KYAT1: variants seen among roughly 807,000 people sequenced by gnomAD.
KYAT1 encodes the protein kynurenine aminotransferase 1, also known as kynurenine--oxoglutarate transaminase 1.
Under a neutral mutation model 52.4 loss-of-function variants are expected in KYAT1, and 47 were observed. That is an observed-to-expected ratio of 0.90 (90% CI 0.71 to 1.14). The LOEUF (loss-of-function observed/expected upper bound fraction) is 1.14, where lower values mean the gene tolerates loss of function less well. Among genes scored for constraint, KYAT1 ranks in the 50% most tolerant of loss-of-function variants. The pLI, the probability that KYAT1 is intolerant of heterozygous loss-of-function variation, is 0.00. For missense variants in KYAT1, 480 were observed against 557.9 expected, an observed-to-expected ratio of 0.86 and a Z score of 1.41; for synonymous variants, 212 against 209.6, an observed-to-expected ratio of 1.01 and a Z score of -0.10.
At chr9:128,849,851 A>C (rs1045128961) in intron 1 of KYAT1, among the ~76,000 whole-genome samples, 4 of 149,230 alleles carry the variant, frequency 2.7e-5, no homozygotes, top group Non-Finnish European at 5.9e-5. Flanking sequence ...TCTATCTCAC[A>C]GAATACACAC....
intron 1 of KYAT1, among the ~76,000 whole-genome samples, chr9:128,858,825 C>G (rs113366679): frequency 6.6e-6 from 1 of 151,208 alleles, no homozygotes; most frequent in Non-Finnish European, 1.5e-5. Flanking sequence ...CTGGCCAACA[C>G]GGTGAAATCC....
intron 3 of KYAT1, among the ~76,000 whole-genome samples, chr9:128,839,045 C>T (rs1437666491): frequency 1.3e-5 from 2 of 151,948 alleles, no homozygotes; most frequent in African/African-American, 4.8e-5. Flanking sequence ...CTCCCTGCAA[C>T]CTCCGCCTCC....
chr9:128,849,309 G>T lies in KYAT1; in HGVS notation c.-6-3898C>A, dbSNP rs140359669. 2.4e-3 allele frequency among the ~76,000 whole-genome samples: 359 copies of T among 150,872 alleles called. 11 individuals are homozygous for T. The East Asian group carries it at 0.053, about 22-fold the overall frequency. On this transcript the variant is annotated intron_variant, in intron 1 of 12. Transcript: ENST00000302586. Reference sequence around the variant, plus strand: ...GCCTGTAGTCCCAGCTACCCAGGAGGCTGAGGCAGGAGAATCGCTGGAACC... The same window carrying T: ...GCCTGTAGTCCCAGCTACCCAGGAGTCTGAGGCAGGAGAATCGCTGGAACC...
At chr9:128,833,685 C>T (rs1194184474) in intron 12 of KYAT1, 42 bp from the exon 13 acceptor site, 1 of 1,613,560 alleles carries the variant, frequency 6.2e-7, no homozygotes, top group Non-Finnish European at 8.5e-7. Context: ...CCCATGTGCC[C>T]AGCCGGCCTT....
At chr9:128,849,860 A>G (rs1465700916) in intron 1 of KYAT1, among the ~76,000 whole-genome samples, 6 of 144,086 alleles carry the variant, frequency 4.2e-5, no homozygotes, top group Non-Finnish European at 7.5e-5. Context: ...CAGAATACAC[A>G]CATATAAATT....
intron 3 of KYAT1, among the ~76,000 whole-genome samples, chr9:128,840,114 A>G (rs1478594005): frequency 6.6e-6 from 1 of 152,140 alleles, no homozygotes. Context: ...CAGGAAGAGA[A>G]AAATATTGCA....
At chr9:128,841,064 A>G (rs1321004472) in intron 3 of KYAT1, among the ~76,000 whole-genome samples, 6 of 152,256 alleles carry the variant, frequency 3.9e-5, no homozygotes, top group African/African-American at 1.4e-4. Flanking sequence ...ACAGAACAGT[A>G]TGCAGCCATT....
chr9:128,846,600 CAAAAAAAAAA>C (rs57333664), intron 1 of KYAT1: 182 of 419,198 alleles, frequency 4.3e-4, no homozygotes, highest in African/African-American at 4.1e-3. Flanking sequence ...AAGACTCTAC[CAAAAAAAAAA>C]AAAAAAAAAA....
chr9:128,849,980 G>A (rs1244141719), intron 1 of KYAT1, among the ~76,000 whole-genome samples: 1 of 150,308 alleles, frequency 6.7e-6, no homozygotes, highest in Non-Finnish European at 1.5e-5. Flanking sequence ...GACTTCCTGG[G>A]TTCAAGTGAT....
chr9:128,843,579 A>C (rs1293437140), intron 2 of KYAT1, among the ~76,000 whole-genome samples: 1 of 151,988 alleles, frequency 6.6e-6, no homozygotes, highest in Non-Finnish European at 1.5e-5. Context: ...GGGTTTTGCT[A>C]TGTTGGCCAG....
At chr9:128,875,247 TG>T (rs370094624) in intron 1 of KYAT1, among the ~76,000 whole-genome samples, 15 of 148,320 alleles carry the variant, frequency 1.0e-4, no homozygotes, top group African/African-American at 3.6e-4. Flanking sequence ...TGTTTTTTTT[TG>T]TTTTTTTTTT....
chr9:128,877,060 G>A (rs1838150005), intron 1 of KYAT1, among the ~76,000 whole-genome samples: 4 of 151,780 alleles, frequency 2.6e-5, no homozygotes, highest in Admixed American at 2.0e-4. Context: ...CATCATGCTC[G>A]GCTAATTTTT....
chr9:128,840,843 GTT>G (rs1728468348), intron 3 of KYAT1, among the ~76,000 whole-genome samples: 1 of 152,112 alleles, frequency 6.6e-6, no homozygotes, highest in Non-Finnish European at 1.5e-5. Flanking sequence ...GGCACACACT[GTT>G]TCTTAACAAT....
At chr9:128,863,075 C>A (rs867254987) in intron 1 of KYAT1, among the ~76,000 whole-genome samples, 10 of 151,942 alleles carry the variant, frequency 6.6e-5, no homozygotes. Context: ...GATCCGCCCG[C>A]CTCGGCCTCC....
chr9:128,845,548 T>C, intron 1 of KYAT1, 137 bp from the exon 2 acceptor site: 2 of 774,678 alleles, frequency 2.6e-6, no homozygotes, highest in South Asian at 3.3e-5. Flanking sequence ...AGATAGAGTT[T>C]GCAGAAGGGC....
At chr9:128,881,225 C>G (rs1357969680) in intron 1 of KYAT1, among the ~76,000 whole-genome samples, 1 of 151,994 alleles carries the variant, frequency 6.6e-6, no homozygotes, top group African/African-American at 2.4e-5. Flanking sequence ...GGACTACAGG[C>G]GCCCACCACC....
At chr9:128,878,759 C>T (rs1588170751) in intron 1 of KYAT1, among the ~76,000 whole-genome samples, 2 of 152,148 alleles carry the variant, frequency 1.3e-5, no homozygotes, top group Non-Finnish European at 2.9e-5. Flanking sequence ...GTGACACAAA[C>T]AGTAGGTATC....
At chr9:128,859,592 C>A (rs1835164428) in intron 1 of KYAT1, among the ~76,000 whole-genome samples, 1 of 151,686 alleles carries the variant, frequency 6.6e-6, no homozygotes, top group South Asian at 2.1e-4. Flanking sequence ...ATTGCTTGAA[C>A]CCAGGAGGTG....
intron 2 of KYAT1, among the ~76,000 whole-genome samples, chr9:128,845,020 CTTAG>C (rs1832844294): frequency 6.6e-6 from 1 of 152,156 alleles, no homozygotes. Flanking sequence ...CTGGAAAGGC[CTTAG>C]CTTGGTGCCT....
Sources: allele counts gnomAD v4.1 joint callset (sites outside exome capture counted in the v4.1 genomes callset), GRCh38; gene constraint gnomAD v4.1.1; transcripts MANE v1.5; gene names NCBI Gene and HGNC (gene_info 2026-07-23, HGNC 2026-07-21).